Variants in ZMYM2 observed in about 807,000 individuals in gnomAD.
ZMYM2 encodes the protein zinc finger MYM-type containing 2.
In ZMYM2, 56 loss-of-function variants were observed where a neutral mutation model predicts 162.8. The ratio of observed to expected loss-of-function variants is 0.34; its 90% CI spans 0.28 to 0.43. The LOEUF (loss-of-function observed/expected upper bound fraction) is 0.43. Among genes scored for constraint, ZMYM2 ranks in the 20% least tolerant of loss-of-function variants. ZMYM2 has a pLI of 1.00. For synonymous variants in ZMYM2, 510 were observed against 541.6 expected, an observed-to-expected ratio of 0.94 and a Z score of 0.81; for missense variants, 1,275 against 1,621.8, an observed-to-expected ratio of 0.79 and a Z score of 3.67.
chr13:20,064,910 G>T (rs979991215), intron 19 of ZMYM2, among the ~76,000 whole-genome samples: 2 of 152,008 alleles, frequency 1.3e-5, no homozygotes, highest in Admixed American at 6.6e-5. Context: ...TGCTAAAGTA[G>T]TAAGTTCAAT....
chr13:19,902,884 CG>C, the ZMYM2 span, among the ~76,000 whole-genome samples: 1 of 151,978 alleles, frequency 6.6e-6, no homozygotes, highest in Non-Finnish European at 1.5e-5. Context: ...AAGCCAGGCA[CG>C]GTGGCTCACG....
At chr13:19,974,644 G>A (rs1052134008) in intron 2 of ZMYM2, among the ~76,000 whole-genome samples, 1 of 151,886 alleles carries the variant, frequency 6.6e-6, no homozygotes, top group Non-Finnish European at 1.5e-5. Context: ...GCTGATTTTT[G>A]TATTTTTAGT....
At chr13:19,944,239 A>G in the ZMYM2 span, among the ~76,000 whole-genome samples, 3 of 152,168 alleles carry the variant, frequency 2.0e-5, no homozygotes, top group Non-Finnish European at 4.4e-5. Flanking sequence ...AATTCTAAAA[A>G]GGTATTTTTG....
intron 2 of ZMYM2, among the ~76,000 whole-genome samples, chr13:19,986,980 C>G (rs1267825771): frequency 6.6e-6 from 1 of 151,590 alleles, no homozygotes; most frequent in East Asian, 2.0e-4. Flanking sequence ...TGGCTCATGC[C>G]TGTAATCCCA....
rs1958317769 is a variant in ZMYM2, at chr13:20,087,088, T to C, written c.*1074T>C. ...CCACTCCTGAAATAGTTACAGAAAG[T>C]CAAGCTATGTTAAATAAGATAGGAT... On this transcript the variant is annotated 3_prime_UTR_variant, in exon 25 of 25. Transcript: ENST00000610343. The C allele has an allele frequency of 5.4e-6, 1 of 184,196 alleles. No homozygotes were observed. Among genetic ancestry groups the C allele is most frequent in the Non-Finnish European group, 1.2e-5 (1 of 86,786 alleles). 11.4% of individuals were successfully genotyped at this position (184,196 alleles called of 1,614,324 possible).
intron 5 of ZMYM2, among the ~76,000 whole-genome samples, chr13:20,005,849 G>GCTCTA (rs1399725846): frequency 6.6e-6 from 1 of 152,106 alleles, no homozygotes; most frequent in Non-Finnish European, 1.5e-5. Flanking sequence ...TACCTCTAGA[G>GCTCTA]AAGTTTGTAG....
intron 21 of ZMYM2, among the ~76,000 whole-genome samples, chr13:20,074,543 C>CTT (rs113280014): frequency 7.0e-5 from 10 of 143,054 alleles, no homozygotes; most frequent in Admixed American, 2.1e-4. Context: ...GGCTTCCTTC[C>CTT]TTTTTTTTTT....
Position 20,088,219 on chromosome 13 carries a change from A to G in ZMYM2, c.*2205A>G. 1 of 207,704 alleles carries G rather than the reference A, an allele frequency of 4.8e-6. No individual in the cohort carries two copies. The highest frequency in any genetic ancestry group is 1.9e-4 in the South Asian group (1 of 5,292). 12.9% of individuals were successfully genotyped at this position (207,704 alleles called of 1,614,324 possible). A position where few individuals can be genotyped will look rare whatever the true frequency, so the allele number is the denominator to read the frequency against. On this transcript the variant is annotated 3_prime_UTR_variant, in exon 25 of 25. Transcript: ENST00000610343. Reference sequence around the variant, plus strand: ...ATAGATTAACTTGATTCTCAGGGGGAAAAGAAAAACTTATTTTATGAGAAT... The same window carrying G: ...ATAGATTAACTTGATTCTCAGGGGGGAAAGAAAAACTTATTTTATGAGAAT...
chr13:19,872,166 G>A, the ZMYM2 span, among the ~76,000 whole-genome samples: 4 of 150,306 alleles, frequency 2.7e-5, no homozygotes, highest in East Asian at 7.8e-4. Context: ...AAATAAAAAC[G>A]AGGTTTTGCC....
In ZMYM2 at chr13:20,005,084, A is replaced by G; in HGVS notation, c.1144A>G (p.Thr382Ala). 1.2e-6 allele frequency: 2 copies of G among 1,604,018 alleles called. No homozygotes were observed. The highest frequency in any genetic ancestry group is 2.3e-5 in the East Asian group (1 of 44,276). The part of the protein sequence containing the change: ...LCVMCKKDIT[T>A]MKGTIVAQVD... ...CCACTTATTTTTCAGAGATATAACTACAATGAAAGGAACCATTGTTGCTCA... is the reference window on the plus strand; with the variant it reads ...CCACTTATTTTTCAGAGATATAACTGCAATGAAAGGAACCATTGTTGCTCA... Residue 382 changes from threonine to alanine, a missense_variant, in exon 5 of 25, where the codon ACA becomes GCA. Physicochemically the swap from Thr to Ala is moderately conservative, Grantham distance 58 (BLOSUM62 0). Coordinates refer to ENST00000610343, the MANE Select transcript of ZMYM2 (RefSeq NM_197968.4).
the ZMYM2 span, among the ~76,000 whole-genome samples, chr13:19,895,993 T>G: frequency 5.3e-5 from 8 of 150,340 alleles, no homozygotes; most frequent in African/African-American, 2.0e-4. Context: ...TTATACTGAG[T>G]GAAATAAGCC....
chr13:19,956,808 T>A (rs1954540806), upstream of ZMYM2, among the ~76,000 whole-genome samples: 1 of 152,252 alleles, frequency 6.6e-6, no homozygotes, highest in African/African-American at 2.4e-5. Context: ...CTGAAGCTAC[T>A]TCAATAGGAC....
intron 2 of ZMYM2, among the ~76,000 whole-genome samples, chr13:19,963,917 T>C (rs894336784): frequency 2.0e-5 from 3 of 152,200 alleles, no homozygotes; most frequent in African/African-American, 7.2e-5. Flanking sequence ...TTAGTCCTGT[T>C]TTATTTTTAA....
At chr13:19,885,859 A>ATG in the ZMYM2 span, among the ~76,000 whole-genome samples, 2 of 46,634 alleles carry the variant, frequency 4.3e-5, no homozygotes, top group Non-Finnish European at 1.1e-4. Flanking sequence ...AAAAAAAAAA[A>ATG]AAAATATATA....
the ZMYM2 span, among the ~76,000 whole-genome samples, chr13:19,889,016 G>A: frequency 3.9e-5 from 6 of 152,064 alleles, no homozygotes; most frequent in African/African-American, 1.4e-4. Flanking sequence ...TTTATGAGGA[G>A]TTTAAATATA....
At chr13:19,940,651 A>G in the ZMYM2 span, among the ~76,000 whole-genome samples, 9 of 152,340 alleles carry the variant, frequency 5.9e-5, no homozygotes, top group East Asian at 1.7e-3. Context: ...AACTAAACCC[A>G]CTAGACTGTA....
chr13:19,993,383 A>G lies in ZMYM2; in HGVS notation c.311A>G (p.Lys104Arg). ...GATTCCAAAATTACTCCTTCCTCAA[A>G]AGAGTTGGCATCTCAGAAGGGAAGT... ...GNDSKITPSS[K>R]ELASQKGSVS... The change falls in exon 3 of 25, where the codon AAA (lysine) becomes AGA (arginine). Residue 104 changes from lysine to arginine, a missense_variant. Physicochemically the swap from Lys to Arg is conservative, Grantham distance 26 (BLOSUM62 2). This residue lies in a region of ZMYM2 where 295 missense variants were observed against 286.7 expected (regional missense o/e 1.03). Coordinates refer to ENST00000610343, the MANE Select transcript of ZMYM2 (RefSeq NM_197968.4). 6.2e-7 allele frequency: 1 copy of G among 1,613,732 alleles called. No individual in the cohort carries two copies. The highest frequency in any genetic ancestry group is 8.5e-7 in the Non-Finnish European group (1 of 1,179,822).
At chr13:20,081,581 C>A (rs1477007505) in intron 21 of ZMYM2, among the ~76,000 whole-genome samples, 2 of 152,170 alleles carry the variant, frequency 1.3e-5, no homozygotes, top group Non-Finnish European at 2.9e-5. Context: ...AACATTTCCT[C>A]TCATTCTTAC....
intron 11 of ZMYM2, among the ~76,000 whole-genome samples, chr13:20,035,963 C>CA (rs748548662): frequency 8.5e-5 from 13 of 152,050 alleles, no homozygotes; most frequent in Non-Finnish European, 1.8e-4. Context: ...AAAACAATTG[C>CA]AGTTCCTGTT....
Sources: allele counts gnomAD v4.1 joint callset (sites outside exome capture counted in the v4.1 genomes callset), GRCh38; gene constraint gnomAD v4.1.1; regional missense constraint gnomAD v4.1.1; transcripts MANE v1.5; gene names NCBI Gene and HGNC (gene_info 2026-07-23, HGNC 2026-07-21).